Variants in KCNK9 observed in about 807,000 individuals in gnomAD.
KCNK9 encodes potassium channel subfamily K member 9.
Under a neutral mutation model 10.8 loss-of-function variants are expected in KCNK9, and 1 was observed. That is an observed-to-expected ratio of 0.09 (90% CI 0.03 to 0.44). KCNK9 has a LOEUF of 0.44. KCNK9 is among the 20% of genes least tolerant of loss of function. The probability of loss-of-function intolerance (pLI) is 0.97; values close to 1 mark genes in which losing one functional copy is unlikely to be tolerated. For synonymous variants in KCNK9, 231 were observed against 222.7 expected (o/e 1.04, Z -0.33); for missense variants, 303 against 515.0 (o/e 0.59, Z 3.98).
At chr8:139,641,891 T>C (rs1815517568) in intron 1 of KCNK9, among the ~76,000 whole-genome samples, 1 of 152,148 alleles carries the variant, frequency 6.6e-6, no homozygotes, top group Admixed American at 6.5e-5. Flanking sequence ...GAGTAGTCAC[T>C]GGAAGGGCTG....
intron 1 of KCNK9, among the ~76,000 whole-genome samples, chr8:139,680,155 C>T (rs546171899): frequency 1.4e-4 from 22 of 152,316 alleles, no homozygotes; most frequent in East Asian, 7.7e-4. Context: ...CAGCTGGCAG[C>T]GCCTCTGCCC....
chr8:139,651,581 A>G (rs1815865957), intron 1 of KCNK9, among the ~76,000 whole-genome samples: 1 of 152,184 alleles, frequency 6.6e-6, no homozygotes, highest in Admixed American at 6.5e-5. Flanking sequence ...TTGTGCTAGA[A>G]TGGGGTGGGG....
intron 1 of KCNK9, among the ~76,000 whole-genome samples, chr8:139,644,721 C>A (rs900563887): frequency 2.7e-5 from 4 of 150,440 alleles, no homozygotes; most frequent in African/African-American, 9.8e-5. Context: ...CCTGTCCCCC[C>A]CCCCCAGAGC....
At chr8:139,658,937 G>A (rs756431064) in intron 1 of KCNK9, among the ~76,000 whole-genome samples, 53 of 152,368 alleles carry the variant, frequency 3.5e-4, no homozygotes, top group African/African-American at 1.1e-3. Context: ...ACACGGGAAG[G>A]ACTAAGGTTT....
At chr8:139,667,433 C>T (rs906793680) in intron 1 of KCNK9, among the ~76,000 whole-genome samples, 4 of 152,344 alleles carry the variant, frequency 2.6e-5, no homozygotes, top group South Asian at 2.1e-4. Flanking sequence ...CGCAGTGGCT[C>T]ATGCTTGCAA....
intron 1 of KCNK9, among the ~76,000 whole-genome samples, chr8:139,628,052 AT>A (rs1354757330): frequency 6.6e-6 from 1 of 152,260 alleles, no homozygotes; most frequent in Non-Finnish European, 1.5e-5. Context: ...GCCAAACAAA[AT>A]AAGATGAAAC....
At chr8:139,662,152 T>C (rs1184108750) in intron 1 of KCNK9, among the ~76,000 whole-genome samples, 6 of 152,140 alleles carry the variant, frequency 3.9e-5, no homozygotes, top group African/African-American at 9.7e-5. Flanking sequence ...AGCCGCCCCA[T>C]TCCCTGTGGG....
chr8:139,696,898 T>C (rs111206281), intron 1 of KCNK9, among the ~76,000 whole-genome samples: 11 of 143,824 alleles, frequency 7.6e-5, no homozygotes, highest in African/African-American at 2.9e-4. Context: ...GGTGGATGAA[T>C]AGATGGATGG....
intron 1 of KCNK9, among the ~76,000 whole-genome samples, chr8:139,659,194 G>A (rs779669367): frequency 1.4e-4 from 21 of 152,316 alleles, no homozygotes; most frequent in Middle Eastern, 6.8e-3. Flanking sequence ...ACTCTTGGCC[G>A]CTGTCAGGGA....
In KCNK9 at chr8:139,702,519, C is replaced by T. The variant is rs1420404300; in HGVS notation, c.283+191G>A. Among the ~76,000 whole-genome samples, 1 of 152,132 alleles carries T rather than the reference C, an allele frequency of 6.6e-6. No homozygotes were observed. Among genetic ancestry groups the T allele is most frequent in the African/African-American group, 2.4e-5 (1 of 41,450 alleles). On this transcript the variant is annotated intron_variant, in intron 1 of 1. Coordinates refer to ENST00000520439, the MANE Select transcript of KCNK9 (RefSeq NM_001282534.2). This position sits in a 1 kb window ranked among gnomAD's most constrained non-coding sequence, Gnocchi z 7.5. The stretch of plus-strand genomic sequence containing the variant: ...CGCGGTGGAGAGCACCGGGTGGGGT[C>T]CCCGAAGGGTGAGGCTCGGAGGCGC...
At chr8:139,657,746 C>T (rs1816056299) in intron 1 of KCNK9, among the ~76,000 whole-genome samples, 1 of 152,210 alleles carries the variant, frequency 6.6e-6, no homozygotes, top group South Asian at 2.1e-4. Flanking sequence ...AACAAGGCCC[C>T]ATTTTATTCA....
intron 1 of KCNK9, among the ~76,000 whole-genome samples, chr8:139,688,498 A>G (rs554026899): frequency 1.3e-5 from 2 of 152,310 alleles, no homozygotes; most frequent in East Asian, 3.9e-4. Flanking sequence ...TCACTATCAC[A>G]AGAACAGCAT....
chr8:139,605,532 G>A (rs1474929798), intron 2 of KCNK9, among the ~76,000 whole-genome samples: 1 of 152,210 alleles, frequency 6.6e-6, no homozygotes, highest in Non-Finnish European at 1.5e-5. Context: ...TGTCCACCTT[G>A]CACTCTGCTT....
intron 1 of KCNK9, among the ~76,000 whole-genome samples, chr8:139,645,192 G>A (rs1815637757): frequency 1.3e-5 from 2 of 152,214 alleles, no homozygotes; most frequent in South Asian, 4.1e-4. Context: ...GCATTCTCCA[G>A]GTGCTGTGGG....
At chr8:139,671,192 T>C (rs1285373836) in intron 1 of KCNK9, among the ~76,000 whole-genome samples, 1 of 152,246 alleles carries the variant, frequency 6.6e-6, no homozygotes, top group Non-Finnish European at 1.5e-5. Context: ...AGAGGAGGCC[T>C]GGGCTTCTGG....
At chr8:139,632,124 A>G (rs1266564374) in intron 1 of KCNK9, among the ~76,000 whole-genome samples, 4 of 152,138 alleles carry the variant, frequency 2.6e-5, no homozygotes, top group African/African-American at 9.7e-5. Flanking sequence ...CTTCCTAATA[A>G]TGGGATCACC....
At chr8:139,632,538 C>T (rs1486366340) in intron 1 of KCNK9, among the ~76,000 whole-genome samples, 3 of 152,204 alleles carry the variant, frequency 2.0e-5, no homozygotes, top group Non-Finnish European at 1.5e-5. Flanking sequence ...GAGTCCCTCG[C>T]AAGTAGACAT....
rs746554309 is a variant in KCNK9, at chr8:139,618,858, C to T, written c.525G>A (p.Ala175=). 35 of 1,614,112 alleles carry T rather than the reference C, an allele frequency of 2.2e-5. No homozygotes were observed. The highest frequency in any genetic ancestry group is 5.1e-6 in the Non-Finnish European group (6 of 1,180,062). Residue 175 remains alanine, a synonymous_variant, in exon 2 of 2, where the codon GCG becomes GCA. Transcript: ENST00000520439. This position sits in a 1 kb window ranked among gnomAD's most constrained non-coding sequence, Gnocchi z 7.9. ...FSCMGTLCIG[A]AAFSQCEEWS... ...ACTCCTCACACTGGGAGAAGGCGGC[C>T]GCCCCGATGCACAGCGTCCCCATGC... is the stretch of plus-strand genomic sequence containing the variant.
At chr8:139,697,469 C>T (rs1642321) in intron 1 of KCNK9, among the ~76,000 whole-genome samples, 6,423 of 133,068 alleles carry the variant, frequency 0.048, 466 homozygotes, top group African/African-American at 0.16. Flanking sequence ...GGCAGATGCA[C>T]GGTGGATAGC....
Sources: allele counts gnomAD v4.1 joint callset (sites outside exome capture counted in the v4.1 genomes callset), GRCh38; gene constraint gnomAD v4.1.1; non-coding constraint Gnocchi (gnomAD v3.1); transcripts MANE v1.5; gene names NCBI Gene and HGNC (gene_info 2026-07-23, HGNC 2026-07-21).